RBM45: variants seen among roughly 807,000 people sequenced by gnomAD.
RBM45 encodes RNA binding motif protein 45.
Under a neutral mutation model 58.5 loss-of-function variants are expected in RBM45, and 39 were observed. The observed-to-expected ratio is 0.67, with a 90% CI of 0.52 to 0.87. RBM45 has a LOEUF of 0.87. Among genes scored for constraint, RBM45 ranks in the 40% least tolerant of loss-of-function variants. The pLI, the probability that RBM45 is intolerant of heterozygous loss-of-function variation, is 0.00. For synonymous variants in RBM45, 193 were observed against 203.0 expected, an observed-to-expected ratio of 0.95 and a Z score of 0.42; for missense variants, 481 against 581.6, an observed-to-expected ratio of 0.83 and a Z score of 1.78.
At chr2:178,116,128 CT>C (rs997688967) in intron 1 of RBM45, 133 bp from the exon 2 acceptor site, 3,969 of 1,062,668 alleles carry the variant, frequency 3.7e-3, no homozygotes, top group East Asian at 5.3e-3. Context: ...CTGCAGCCTG[CT>C]TTTTTTTTTC....
rs746594137 is a variant in RBM45 at position 178,123,829 on chromosome 2, C to G, written c.985C>G (p.Leu329Val). The G allele has an allele frequency of 6.2e-7, 1 of 1,612,990 alleles. No homozygotes were observed. The highest frequency in any genetic ancestry group is 1.3e-5 in the African/African-American group (1 of 74,970). ...TAAATTATCAGTTATTTTTTCCAGT[C>G]TCCTTAGAAAAATGGCAACACAGAT... is the stretch of plus-strand genomic sequence containing the variant. Reference protein sequence around the residue: ...FIDDGSNATDLLRKMATQMVA... With the variant: ...FIDDGSNATDVLRKMATQMVA... The change falls in exon 7 of 10, where the codon CTC becomes GTC. Residue 329 changes from leucine to valine, a missense_variant and splice_region_variant. Physicochemically the swap from Leu to Val is conservative, Grantham distance 32. Transcript: ENST00000286070.
chr2:178,134,769 A>T (rs1051737048), intron 3 of RBM45, among the ~76,000 whole-genome samples: 2 of 152,106 alleles, frequency 1.3e-5, no homozygotes, highest in Non-Finnish European at 1.5e-5. Context: ...AGGTGGGCGG[A>T]TCACTTGAGG....
chr2:178,134,380 C>A (rs1378706221), downstream of RBM45, among the ~76,000 whole-genome samples: 2 of 152,156 alleles, frequency 1.3e-5, no homozygotes, highest in African/African-American at 4.8e-5. Context: ...CAAAGTGCTT[C>A]CCACCAATAA....
intron 1 of RBM45, 118 bp downstream of exon 1, chr2:178,112,964 C>T (rs2087725035): frequency 1.9e-6 from 2 of 1,075,906 alleles, no homozygotes; most frequent in Non-Finnish European, 2.6e-6. Context: ...GGCAGCTGAC[C>T]AGACAGCACC....
chr2:178,124,318 T>G, intron 8 of RBM45, 28 bp downstream of exon 8: 1 of 1,375,340 alleles, frequency 7.3e-7, no homozygotes, highest in Non-Finnish European at 1.0e-6. Flanking sequence ...TTTGTTATAT[T>G]TTATTTACAC....
intron 3 of RBM45, among the ~76,000 whole-genome samples, chr2:178,119,586 T>G (rs1008871102): frequency 6.6e-6 from 1 of 152,232 alleles, no homozygotes; most frequent in African/African-American, 2.4e-5. Context: ...GTAAGAACAG[T>G]TGATCTAACC....
chr2:178,119,040 A>G (rs1559079011), intron 3 of RBM45, among the ~76,000 whole-genome samples: 1 of 152,196 alleles, frequency 6.6e-6, no homozygotes, highest in Non-Finnish European at 1.5e-5. Flanking sequence ...TGGGTAGCCA[A>G]GATCTAATAG....
At position 178,121,372 on chromosome 2, in the gene RBM45, T is replaced by A. The variant is rs1431925587; in HGVS notation, c.853+13T>A. The A allele has an allele frequency of 7.2e-7, 1 of 1,390,480 alleles. No homozygotes were observed. Among genetic ancestry groups the A allele is most frequent in the South Asian group, 1.4e-5 (1 of 71,154 alleles). 86.1% of individuals were successfully genotyped at this position (1,390,480 alleles called of 1,614,324 possible). A position where few individuals can be genotyped will look rare whatever the true frequency, so the allele number is the denominator to read the frequency against. ...TATTCAAATTATGGTAAAATAATGT[T>A]CACATTAAAAAATATATATATATGT... On this transcript the variant is annotated intron_variant, in intron 5 of 9. Transcript: ENST00000286070.
intron 7 of RBM45, 107 bp from the exon 8 acceptor site, chr2:178,124,020 A>G: frequency 2.7e-6 from 4 of 1,481,538 alleles, no homozygotes; most frequent in East Asian, 2.3e-5. Flanking sequence ...TTTCAGAGCT[A>G]TTGTGGAAGA....
chr2:178,130,488 G>C (rs334058), downstream of RBM45, among the ~76,000 whole-genome samples: 65,997 of 151,872 alleles, frequency 0.43, 15,752 homozygotes, highest in East Asian at 0.65. Flanking sequence ...TAGTGCTGCT[G>C]CAGCCTGGAC....
At chr2:178,122,825 A>G (rs1021106733) in intron 5 of RBM45, among the ~76,000 whole-genome samples, 4 of 152,142 alleles carry the variant, frequency 2.6e-5, no homozygotes, top group Non-Finnish European at 5.9e-5. Flanking sequence ...GGGTTTCCAG[A>G]TGAACATAAA....
intron 4 of RBM45, 81 bp from the exon 5 acceptor site, chr2:178,121,098 CT>C: frequency 1.5e-6 from 1 of 687,632 alleles, no homozygotes; most frequent in Admixed American, 3.1e-5. Flanking sequence ...ACAATGGACT[CT>C]GTTTTCTAGT....
chr2:178,129,393 A>G lies in RBM45; in HGVS notation c.*9-4A>G, dbSNP rs1362699889. 6.6e-6 allele frequency: 1 copy of G among 152,550 alleles called. No homozygotes were observed. The highest frequency in any genetic ancestry group is 2.4e-5 in the African/African-American group (1 of 41,430). The allele number at this position is 152,550 out of a possible 1,614,324, so 9.4% of individuals were successfully genotyped here. ...TTCATACTTGTGTTGTGTTCTTTCT[A>G]CAGAACAAAGACTAAATAATGACAT... On this transcript the variant is annotated splice_polypyrimidine_tract_variant and splice_region_variant and intron_variant, in intron 9 of 9. Coordinates refer to ENST00000286070, the MANE Select transcript of RBM45 (RefSeq NM_152945.4).
chr2:178,130,201 G>A (rs1017307070), downstream of RBM45, among the ~76,000 whole-genome samples: 1 of 152,094 alleles, frequency 6.6e-6, no homozygotes, highest in African/African-American at 2.4e-5. Flanking sequence ...TACAATAGGA[G>A]GTATAGTTAT....
chr2:178,116,190 C>T, intron 1 of RBM45, 72 bp from the exon 2 acceptor site: 2 of 1,465,106 alleles, frequency 1.4e-6, no homozygotes, highest in South Asian at 1.5e-5. Flanking sequence ...AGAATAATTG[C>T]TTTTGAAAAA....
chr2:178,134,469 T>C (rs1361569217), downstream of RBM45, among the ~76,000 whole-genome samples: 1 of 152,152 alleles, frequency 6.6e-6, no homozygotes, highest in South Asian at 2.1e-4. Flanking sequence ...CAACTAATTT[T>C]TTTGCTCATA....
At chr2:178,117,029 C>T in intron 2 of RBM45, among the ~76,000 whole-genome samples, 1 of 152,082 alleles carries the variant, frequency 6.6e-6, no homozygotes. Context: ...TAGCCATTAA[C>T]TTATGCAGTG....
intron 1 of RBM45, among the ~76,000 whole-genome samples, chr2:178,115,866 T>A (rs2087766626): frequency 6.6e-6 from 1 of 152,142 alleles, no homozygotes; most frequent in African/African-American, 2.4e-5. Flanking sequence ...AAAAAAGTCA[T>A]TGCAGGCCCA....
intron 1 of RBM45, 43 bp downstream of exon 1, chr2:178,112,889 G>A (rs1559076655): frequency 6.3e-7 from 1 of 1,577,410 alleles, no homozygotes; most frequent in Non-Finnish European, 8.7e-7. Flanking sequence ...GAAGGAGTGG[G>A]CCTCTTGGAC....
Sources: allele counts gnomAD v4.1 joint callset (sites outside exome capture counted in the v4.1 genomes callset), GRCh38; gene constraint gnomAD v4.1.1; transcripts MANE v1.5; gene names NCBI Gene and HGNC (gene_info 2026-07-23, HGNC 2026-07-21).